RNF180: variants seen among roughly 807,000 people sequenced by gnomAD.
RNF180 encodes the protein ring finger protein 180.
A neutral mutation model predicts 59.2 loss-of-function variants in RNF180; 38 were observed. The observed-to-expected ratio is 0.64, with a 90% CI of 0.50 to 0.84. RNF180 has a LOEUF of 0.84. Ranked by LOEUF, RNF180 falls within the 40% of genes least tolerant of loss-of-function variation. RNF180 has a pLI of 0.00. For missense variants in RNF180, 705 were observed against 700.9 expected (o/e 1.01, Z -0.07); for synonymous variants, 262 against 240.3 (o/e 1.09, Z -0.84).
intron 5 of RNF180, among the ~76,000 whole-genome samples, chr5:64,228,421 G>T (rs1741903356): frequency 1.3e-5 from 2 of 152,234 alleles, no homozygotes; most frequent in South Asian, 4.2e-4. Context: ...GGATGAGGTG[G>T]GAGGATCGCT....
At chr5:64,312,695 C>T (rs1743829750) in intron 5 of RNF180, among the ~76,000 whole-genome samples, 1 of 152,064 alleles carries the variant, frequency 6.6e-6, no homozygotes, top group Non-Finnish European at 1.5e-5. Flanking sequence ...TGCTGGAAAA[C>T]ACCCACACAG....
chr5:64,239,443 C>CT (rs1742661028), intron 5 of RNF180, among the ~76,000 whole-genome samples: 1 of 152,112 alleles, frequency 6.6e-6, no homozygotes, highest in Non-Finnish European at 1.5e-5. Context: ...TTCCTGTCTG[C>CT]TAGTAGATAA....
chr5:64,201,018 ATTC>A (rs1751715360), intron 2 of RNF180, 76 bp downstream of exon 2: 3 of 1,099,446 alleles, frequency 2.7e-6, no homozygotes, highest in South Asian at 3.3e-5. Flanking sequence ...ATGCACACTT[ATTC>A]TTCTCTACCT....
At chr5:64,305,446 T>C (rs957693517) in intron 5 of RNF180, among the ~76,000 whole-genome samples, 1 of 151,594 alleles carries the variant, frequency 6.6e-6, no homozygotes, top group Admixed American at 6.6e-5. Context: ...CCATATTAAA[T>C]GCAGCCAGTA....
intron 1 of RNF180, chr5:64,166,241 C>T (rs1056330198): frequency 6.5e-6 from 1 of 152,772 alleles, no homozygotes; most frequent in African/African-American, 2.4e-5. Context: ...AAAGCTGAGT[C>T]CTGGAGGCGA....
chr5:64,367,711 T>C (rs1288765517), intron 7 of RNF180, among the ~76,000 whole-genome samples: 1 of 151,648 alleles, frequency 6.6e-6, no homozygotes, highest in Non-Finnish European at 1.5e-5. Flanking sequence ...TATTTAACAT[T>C]ACTCAATTGT....
intron 7 of RNF180, among the ~76,000 whole-genome samples, chr5:64,341,264 A>G (rs1318014772): frequency 3.3e-5 from 5 of 152,182 alleles, no homozygotes; most frequent in Non-Finnish European, 7.3e-5. Flanking sequence ...GTGTCCCAAA[A>G]TAATGCTTTA....
chr5:64,304,342 G>A (rs1280942538), intron 5 of RNF180, among the ~76,000 whole-genome samples: 1 of 151,550 alleles, frequency 6.6e-6, no homozygotes, highest in African/African-American at 2.4e-5. Flanking sequence ...AGCTGCCATA[G>A]ATAGTGATGC....
At chr5:64,220,832 T>C (rs1209904866) in intron 5 of RNF180, among the ~76,000 whole-genome samples, 1 of 152,056 alleles carries the variant, frequency 6.6e-6, no homozygotes, top group Non-Finnish European at 1.5e-5. Flanking sequence ...TGACCATATA[T>C]CATGGTTTGT....
chr5:64,347,414 G>A (rs976388646), intron 7 of RNF180, among the ~76,000 whole-genome samples: 1 of 152,154 alleles, frequency 6.6e-6, no homozygotes, highest in African/African-American at 2.4e-5. Flanking sequence ...CAACTATCTG[G>A]AGAAGAGGGA....
At chr5:64,261,621 C>T (rs1466971942) in intron 5 of RNF180, among the ~76,000 whole-genome samples, 1 of 151,844 alleles carries the variant, frequency 6.6e-6, no homozygotes, top group Non-Finnish European at 1.5e-5. Context: ...ACTCACTGAC[C>T]CTCTCCCTAC....
intron 5 of RNF180, among the ~76,000 whole-genome samples, chr5:64,234,809 C>A (rs1475112879): frequency 6.6e-6 from 1 of 151,794 alleles, no homozygotes; most frequent in Non-Finnish European, 1.5e-5. Flanking sequence ...CCGTGTTAGC[C>A]AGGATGGTCT....
rs549917474 is a variant in RNF180 at position 64,214,379 on chromosome 5, C to T, written c.1053C>T (p.His351=). The T allele has an allele frequency of 4.0e-5, 64 of 1,614,014 alleles. No individual in the cohort carries two copies. The South Asian group carries it at 6.7e-4, about 17-fold the overall frequency. Residue 351 remains histidine (H), a synonymous_variant, in exon 4 of 8, where the codon CAC becomes CAT. Transcript: ENST00000389100. ...SMPEASDQEE[H]LSPLDFLHSA... is the part of the protein sequence containing the mutation. ...CGGAGGCCTCAGACCAGGAAGAGCA[C>T]CTCTCCCCTCTGGACTTCCTGCACT...
chr5:64,315,504 A>G (rs888588762), intron 5 of RNF180, among the ~76,000 whole-genome samples: 3 of 152,056 alleles, frequency 2.0e-5, no homozygotes, highest in African/African-American at 7.2e-5. Context: ...CAGCACTTTG[A>G]GAGTCTGGGG....
intron 7 of RNF180, among the ~76,000 whole-genome samples, chr5:64,337,478 T>C (rs556067626): frequency 1.5e-4 from 23 of 152,272 alleles, no homozygotes; most frequent in Admixed American, 1.3e-3. Context: ...TTTCCTATTG[T>C]TGTCTAGAAA....
intron 2 of RNF180, among the ~76,000 whole-genome samples, chr5:64,204,819 A>G (rs910397025): frequency 6.6e-6 from 1 of 152,144 alleles, no homozygotes; most frequent in South Asian, 2.1e-4. Flanking sequence ...CAGGTTTCTC[A>G]TTTACCCTCA....
intron 5 of RNF180, among the ~76,000 whole-genome samples, chr5:64,224,995 G>A (rs1212185929): frequency 1.3e-5 from 2 of 152,176 alleles, no homozygotes; most frequent in African/African-American, 4.8e-5. Flanking sequence ...CCCAAACTGT[G>A]AGAAAATCAT....
chr5:64,326,904 G>A (rs1382703066), intron 6 of RNF180, among the ~76,000 whole-genome samples: 1 of 152,128 alleles, frequency 6.6e-6, no homozygotes, highest in Non-Finnish European at 1.5e-5. Flanking sequence ...CAAAGATTCA[G>A]TAGATTTCGG....
At chr5:64,178,915 G>T (rs553854609) in intron 1 of RNF180, among the ~76,000 whole-genome samples, 1 of 152,106 alleles carries the variant, frequency 6.6e-6, no homozygotes, top group Non-Finnish European at 1.5e-5. Context: ...TTTGATTCAA[G>T]CAGGTTTAAG....
Sources: gnomAD v4.1 joint callset for allele counts (sites outside exome capture counted in the v4.1 genomes callset) on GRCh38, gnomAD v4.1.1 for gene constraint, MANE v1.5 for transcripts, NCBI Gene and HGNC (gene_info 2026-07-23, HGNC 2026-07-21) for gene names.